GRIN2A: variants seen among roughly 807,000 people sequenced by gnomAD.
GRIN2A encodes the protein glutamate receptor ionotropic, NMDA 2A.
A neutral mutation model predicts 113.4 loss-of-function variants in GRIN2A; 22 were observed. That is an observed-to-expected ratio of 0.19 (90% CI 0.14 to 0.28). The LOEUF is 0.28. Among genes scored for constraint, GRIN2A ranks in the 10% least tolerant of loss-of-function variants. The pLI is 1.00. For synonymous variants in GRIN2A, 827 were observed against 738.4 expected (o/e 1.12, Z -1.94); for missense variants, 1,502 against 1,887.0 (o/e 0.80, Z 3.78).
Position 9,761,219 on chromosome 16 carries a change from G to T in GRIN2A, c.*1930C>A. The T allele has an allele frequency of 4.3e-6, 1 of 231,164 alleles. No homozygotes were observed. The highest frequency in any genetic ancestry group is 8.6e-6 in the Non-Finnish European group (1 of 116,720). 14.3% of individuals were successfully genotyped at this position (231,164 alleles called of 1,614,324 possible). A position where few individuals can be genotyped will look rare whatever the true frequency, so the allele number is the denominator to read the frequency against. On this transcript the variant is annotated 3_prime_UTR_variant, in exon 13 of 13. Transcript: ENST00000330684. ...TTTCCCAAAGATGGAGCTATTCCATGCATCCTTGAGCTTTAAGGGAATCAT... is the reference window on the plus strand; with the variant it reads ...TTTCCCAAAGATGGAGCTATTCCATTCATCCTTGAGCTTTAAGGGAATCAT...
intron 2 of GRIN2A, among the ~76,000 whole-genome samples, chr16:9,954,671 T>C (rs1242312772): frequency 6.6e-6 from 1 of 152,064 alleles, no homozygotes; most frequent in Non-Finnish European, 1.5e-5. Flanking sequence ...CGAGCAAAAT[T>C]TTCAGGCCAC....
intron 2 of GRIN2A, among the ~76,000 whole-genome samples, chr16:9,989,624 A>C (rs946121705): frequency 1.3e-5 from 2 of 152,122 alleles, no homozygotes; most frequent in Non-Finnish European, 2.9e-5. Flanking sequence ...GGGGGAAAAT[A>C]TTTGCAAACT....
chr16:10,084,801 C>T (rs533318477), intron 2 of GRIN2A, among the ~76,000 whole-genome samples: 4 of 142,216 alleles, frequency 2.8e-5, no homozygotes, highest in African/African-American at 5.1e-5. Context: ...ATGCAAGCTC[C>T]GTAAGGGTAA....
Position 9,798,472 on chromosome 16 carries a change from G to A in GRIN2A, c.2169-8C>T, listed in dbSNP as rs1374368718. The A allele has an allele frequency of 6.2e-7, 1 of 1,613,614 alleles. No homozygotes were observed. Among genetic ancestry groups the A allele is most frequent in the Non-Finnish European group, 8.5e-7 (1 of 1,179,588 alleles). On this transcript the variant is annotated splice_region_variant and splice_polypyrimidine_tract_variant and intron_variant, in intron 10 of 12. Transcript: ENST00000330684. ...ATGAAAGCGTCCAGCTTCCTGAAAT[G>A]ACAAGAAACCAGGGGGTCATAGGGG...
intron 3 of GRIN2A, among the ~76,000 whole-genome samples, chr16:9,930,690 G>T (rs2044569691): frequency 1.3e-5 from 2 of 152,214 alleles, no homozygotes; most frequent in South Asian, 4.1e-4. Context: ...CTCTGGTCAA[G>T]CTCAGAGAAT....
At chr16:9,901,302 C>T (rs1364007321) in intron 3 of GRIN2A, among the ~76,000 whole-genome samples, 1 of 152,240 alleles carries the variant, frequency 6.6e-6, no homozygotes, top group East Asian at 1.9e-4. Context: ...GGGTGTCTAC[C>T]TGCTTTCTGT....
At chr16:9,890,302 G>A (rs1322501784) in intron 4 of GRIN2A, among the ~76,000 whole-genome samples, 1 of 152,208 alleles carries the variant, frequency 6.6e-6, no homozygotes, top group East Asian at 1.9e-4. Flanking sequence ...TATGGAGGAG[G>A]AGGGAGGGCA....
At chr16:10,055,884 A>C (rs2141996576) in intron 2 of GRIN2A, among the ~76,000 whole-genome samples, 1 of 152,332 alleles carries the variant, frequency 6.6e-6, no homozygotes, top group African/African-American at 2.4e-5. Context: ...AGTGGTGTCT[A>C]TACATGTACA....
chr16:10,076,713 G>T (rs1012713691), intron 2 of GRIN2A, among the ~76,000 whole-genome samples: 1 of 152,164 alleles, frequency 6.6e-6, no homozygotes, highest in African/African-American at 2.4e-5. Flanking sequence ...AACAAATGCA[G>T]AAAGTAAATA....
intron 10 of GRIN2A, among the ~76,000 whole-genome samples, chr16:9,820,238 C>T (rs11647877): frequency 0.28 from 42,297 of 152,108 alleles, 6,137 homozygotes; most frequent in African/African-American, 0.35. Context: ...AGCTAGGCAT[C>T]AACCACTGTC....
At chr16:10,177,108 T>C (rs537168312) in intron 2 of GRIN2A, among the ~76,000 whole-genome samples, 1 of 152,308 alleles carries the variant, frequency 6.6e-6, no homozygotes, top group African/African-American at 2.4e-5. Flanking sequence ...TTTTAAACAA[T>C]GCACCGTGAC....
chr16:9,829,323 A>G, intron 9 of GRIN2A, 100 bp downstream of exon 9: 1 of 758,714 alleles, frequency 1.3e-6, no homozygotes, highest in Non-Finnish European at 2.3e-6. Context: ...TGTGCATTCG[A>G]GTTGATGGAT....
chr16:9,911,208 T>C (rs1465547791), intron 3 of GRIN2A, among the ~76,000 whole-genome samples: 1 of 152,038 alleles, frequency 6.6e-6, no homozygotes, highest in Non-Finnish European at 1.5e-5. Context: ...GACCATAAGC[T>C]GAGTGTGGTG....
At chr16:10,056,995 T>G (rs1223707802) in intron 2 of GRIN2A, among the ~76,000 whole-genome samples, 1 of 151,990 alleles carries the variant, frequency 6.6e-6, no homozygotes, top group Non-Finnish European at 1.5e-5. Context: ...TTCTCAACTA[T>G]ACAACCCTCC....
intron 2 of GRIN2A, among the ~76,000 whole-genome samples, chr16:10,018,352 A>T (rs1377420909): frequency 6.6e-6 from 1 of 152,150 alleles, no homozygotes; most frequent in East Asian, 1.9e-4. Flanking sequence ...TAAGAGAAGA[A>T]GGTGGGGTTT....
chr16:9,832,068 A>G (rs2042505024), intron 8 of GRIN2A, among the ~76,000 whole-genome samples: 2 of 151,602 alleles, frequency 1.3e-5, no homozygotes, highest in Non-Finnish European at 2.9e-5. Flanking sequence ...ACAGGCACGC[A>G]TCATCACGCC....
chr16:10,148,876 A>C (rs1446595895), intron 2 of GRIN2A, among the ~76,000 whole-genome samples: 1 of 152,256 alleles, frequency 6.6e-6, no homozygotes, highest in Non-Finnish European at 1.5e-5. Context: ...ACAATGGAGT[A>C]CTAATCAGCC....
At chr16:10,119,632 T>C (rs1440053262) in intron 2 of GRIN2A, among the ~76,000 whole-genome samples, 1 of 152,198 alleles carries the variant, frequency 6.6e-6, no homozygotes, top group South Asian at 2.1e-4. Context: ...GTAAACTGTG[T>C]GTCACAGGGA....
At chr16:9,810,586 T>C (rs1187423575) in intron 10 of GRIN2A, among the ~76,000 whole-genome samples, 1 of 152,064 alleles carries the variant, frequency 6.6e-6, no homozygotes, top group East Asian at 1.9e-4. Flanking sequence ...CACCTGGAGA[T>C]GGAGGCAGAG....
Sources: gnomAD v4.1 joint callset for allele counts (sites outside exome capture counted in the v4.1 genomes callset) on GRCh38, gnomAD v4.1.1 for gene constraint, MANE v1.5 for transcripts, NCBI Gene and HGNC (gene_info 2026-07-23, HGNC 2026-07-21) for gene names.